The following BORA variants were observed in gnomAD, a reference collection of about 807,000 sequenced individuals.
BORA encodes the protein BORA aurora kinase A activator.
Under a neutral mutation model 55.8 loss-of-function variants are expected in BORA, and 26 were observed. The ratio of observed to expected loss-of-function variants is 0.47; its 90% CI spans 0.34 to 0.65. The LOEUF (loss-of-function observed/expected upper bound fraction) is 0.65, where lower values mean the gene tolerates loss of function less well. Among genes scored for constraint, BORA ranks in the 30% least tolerant of loss-of-function variants. The pLI is 0.01. For synonymous variants in BORA, 201 were observed against 216.9 expected (o/e 0.93, Z 0.64); for missense variants, 568 against 671.5 (o/e 0.85, Z 1.70).
At chr13:72,731,201 T>C in intron 2 of BORA, 80 bp from the exon 3 acceptor site, 1 of 811,814 alleles carries the variant, frequency 1.2e-6, no homozygotes. Flanking sequence ...TAACCATTCA[T>C]ATTATTTCTC....
chr13:72,754,910 C>T (rs2033405569), intron 11 of BORA: 1 of 394,206 alleles, frequency 2.5e-6, no homozygotes, highest in African/African-American at 2.1e-5. Flanking sequence ...GACAGGGTCT[C>T]ACTATGTTGC....
At chr13:72,734,865 A>G (rs2032886751) in intron 3 of BORA, 95 bp from the exon 4 acceptor site, 7 of 875,270 alleles carry the variant, frequency 8.0e-6, no homozygotes, top group South Asian at 7.2e-5. Flanking sequence ...CCAGTTTTCA[A>G]TGAAGGGAGA....
intron 10 of BORA, among the ~76,000 whole-genome samples, chr13:72,747,516 G>A (rs1366735510): frequency 1.3e-5 from 2 of 151,996 alleles, no homozygotes; most frequent in South Asian, 2.1e-4. Flanking sequence ...TGATTTAGGG[G>A]GGATAAAAAG....
In BORA at chr13:72,753,701, C is replaced by T; in HGVS notation, c.1494C>T (p.Gly498=). ...TTTTCTCCTGTCAGATGGATAGTGG[C>T]TATAATACGCAGAATTGTGGAAGCA... ...CESSNIQMDS[G]YNTQNCGSNI... is the part of the protein sequence containing the mutation. Residue 498 remains glycine, a synonymous_variant, in exon 11 of 12, where the codon GGC becomes GGT. Transcript: ENST00000390667. 1 of 1,610,972 alleles carries T rather than the reference C, an allele frequency of 6.2e-7. No homozygotes were observed. The highest frequency in any genetic ancestry group is 8.5e-7 in the Non-Finnish European group (1 of 1,178,848).
intron 3 of BORA, among the ~76,000 whole-genome samples, chr13:72,734,058 G>T (rs765728134): frequency 2.0e-5 from 3 of 152,068 alleles, no homozygotes; most frequent in Non-Finnish European, 2.9e-5. Context: ...CCTGGTGGAG[G>T]GTGAGAGGAG....
In BORA at chr13:72,745,852, AGT is replaced by A. The variant is rs546558222; in HGVS notation, c.739-87_739-86del. 3.6e-4 allele frequency: 397 copies of A among 1,108,530 alleles called. No homozygotes were observed. In the African/African-American group the frequency reaches 5.9e-3, roughly 16 times the overall value. 68.7% of individuals were successfully genotyped at this position (1,108,530 alleles called of 1,614,324 possible). On this transcript the variant is annotated intron_variant, in intron 8 of 11. Transcript: ENST00000390667. The stretch of plus-strand genomic sequence containing the variant: ...TCTCGTGAACTATTACTAGTTTATA[AGT>A]GTGTTTTGAAGACCATGATAAATAG...
At position 72,745,158 on chromosome 13, in the gene BORA, T is replaced by C; in HGVS notation, c.689T>C (p.Ile230Thr). Residue 230 changes from isoleucine (I) to threonine (T), a missense_variant, in exon 8 of 12, where the codon ATA becomes ACA. By Grantham distance (89) the Ile-to-Thr change is moderately conservative. Coordinates refer to ENST00000390667, the MANE Select transcript of BORA (RefSeq NM_024808.5). ...ACATCACTAGAGATGTTTTATTCAATAGATTTGTCTCCTGTAAAGTGTAGG... is the reference window on the plus strand; with the variant it reads ...ACATCACTAGAGATGTTTTATTCAACAGATTTGTCTCCTGTAAAGTGTAGG... ...VQTSLEMFYS[I>T]DLSPVKCRSP... 6.2e-7 allele frequency: 1 copy of C among 1,614,090 alleles called. No homozygotes were observed. Among genetic ancestry groups the C allele is most frequent in the Non-Finnish European group, 8.5e-7 (1 of 1,179,952 alleles).
intron 4 of BORA, among the ~76,000 whole-genome samples, chr13:72,735,464 A>G (rs1347963056): frequency 6.6e-6 from 1 of 152,178 alleles, no homozygotes; most frequent in Non-Finnish European, 1.5e-5. Flanking sequence ...GATTTTTAAG[A>G]TATTCATGAA....
In BORA at chr13:72,746,990, A is replaced by G; in HGVS notation, c.1361A>G (p.Asn454Ser). 1 of 1,614,122 alleles carries G rather than the reference A, an allele frequency of 6.2e-7. No homozygotes were observed. The highest frequency in any genetic ancestry group is 8.5e-7 in the Non-Finnish European group (1 of 1,179,994). Residue 454 changes from asparagine to serine, a missense_variant, in exon 10 of 12, where the codon AAT becomes AGT. Physicochemically the swap from Asn to Ser is conservative, Grantham distance 46. Transcript: ENST00000390667. Reference protein sequence around the residue: ...ETTWIKEPVDNGSLPMTDFVS... With the variant: ...ETTWIKEPVDSGSLPMTDFVS... ...ACTTGGATTAAGGAGCCGGTTGATA[A>G]TGGCAGTTTACCCATGACTGATTTT... is the stretch of plus-strand genomic sequence containing the variant.
At chr13:72,748,671 A>T (rs1056727235) in intron 10 of BORA, among the ~76,000 whole-genome samples, 1 of 152,330 alleles carries the variant, frequency 6.6e-6, no homozygotes, top group East Asian at 1.9e-4. Flanking sequence ...ATATAGGCTT[A>T]AAAGTATATG....
In BORA at chr13:72,743,522, T is replaced by G. The variant is rs1178624478; in HGVS notation, c.389-15T>G. ...AGTATAAAACATAGGATTTTTCACT[T>G]AAAATGTCTTACAGGCACTAACATA... On this transcript the variant is annotated splice_polypyrimidine_tract_variant and intron_variant, in intron 5 of 11. Transcript: ENST00000390667. 6.3e-7 allele frequency: 1 copy of G among 1,587,648 alleles called. No individual in the cohort carries two copies. Among genetic ancestry groups the G allele is most frequent in the Non-Finnish European group, 8.6e-7 (1 of 1,163,474 alleles).
At chr13:72,738,727 CAA>C (rs1194754413) in intron 5 of BORA, among the ~76,000 whole-genome samples, 1 of 152,088 alleles carries the variant, frequency 6.6e-6, no homozygotes, top group African/African-American at 2.4e-5. Flanking sequence ...CATTCTTTAT[CAA>C]AAAACACAAC....
chr13:72,743,308 T>C (rs1459676622), intron 5 of BORA, among the ~76,000 whole-genome samples: 4 of 152,176 alleles, frequency 2.6e-5, no homozygotes, highest in Non-Finnish European at 5.9e-5. Flanking sequence ...AAAAAAAATA[T>C]TGCTTGGTGA....
Position 72,746,762 on chromosome 13 carries a change from T to C in BORA, c.1133T>C (p.Met378Thr), listed in dbSNP as rs949004317. The stretch of plus-strand genomic sequence containing the variant: ...TCCACAGATGTCTCATCACCCGCCA[T>C]GGATGCTGCTGGAATACACCTACGG... ...IPSTDVSSPA[M>T]DAAGIHLRQF... Residue 378 changes from methionine (M) to threonine (T), a missense_variant, in exon 10 of 12, where the codon ATG becomes ACG. Coordinates refer to ENST00000390667, the MANE Select transcript of BORA (RefSeq NM_024808.5). 1.9e-6 allele frequency: 3 copies of C among 1,614,036 alleles called. No homozygotes were observed. The highest frequency in any genetic ancestry group is 1.3e-5 in the African/African-American group (1 of 74,932).
intron 1 of BORA, chr13:72,728,292 G>T (rs527634483): frequency 7.5e-5 from 49 of 652,416 alleles, no homozygotes; most frequent in Admixed American, 5.8e-4. Flanking sequence ...TTGATTGCAA[G>T]TAATGCAGTC....
At chr13:72,755,100 T>C in intron 11 of BORA, 51 bp from the exon 12 acceptor site, 1 of 1,502,312 alleles carries the variant, frequency 6.7e-7, no homozygotes, top group East Asian at 2.3e-5. Context: ...AATTGCATCC[T>C]CCAGTGGTCC....
rs945004331 is a variant in BORA at position 72,746,830 on chromosome 13, G to C, written c.1201G>C (p.Val401Leu). The C allele has an allele frequency of 1.2e-6, 2 of 1,614,048 alleles. No individual in the cohort carries two copies. The change falls in exon 10 of 12, where the codon GTG becomes CTG. Residue 401 changes from valine (V) to leucine (L), a missense_variant. Transcript: ENST00000390667. ...TTCTACCCATGGTACACATTTGGTT[G>C]TGACTGCCATGTCTGTTACACAAAA... ...EASTHGTHLV[V>L]TAMSVTQNQS...
chr13:72,752,324 G>A (rs1292781795), intron 10 of BORA: 1 of 152,154 alleles, frequency 6.6e-6, no homozygotes, highest in Non-Finnish European at 1.5e-5. Context: ...GGGATAACAA[G>A]GTATCTGTTG....
At chr13:72,729,533 T>C (rs2032765715) in intron 2 of BORA, among the ~76,000 whole-genome samples, 1 of 152,236 alleles carries the variant, frequency 6.6e-6, no homozygotes, top group Non-Finnish European at 1.5e-5. Flanking sequence ...TATACTCCGA[T>C]GTATGGGTCA....
Sources: gnomAD v4.1 joint callset for allele counts (sites outside exome capture counted in the v4.1 genomes callset) on GRCh38, gnomAD v4.1.1 for gene constraint, MANE v1.5 for transcripts, NCBI Gene and HGNC (gene_info 2026-07-23, HGNC 2026-07-21) for gene names.